PRKCZ: variants seen among roughly 807,000 people sequenced by gnomAD.
The protein encoded by PRKCZ is protein kinase C zeta, also known as protein kinase C zeta type.
Under a neutral mutation model 79.5 loss-of-function variants are expected in PRKCZ, and 33 were observed. The ratio of observed to expected loss-of-function variants is 0.41; its 90% CI spans 0.31 to 0.55. PRKCZ has a LOEUF of 0.55. PRKCZ is among the 20% of genes least tolerant of loss of function. The pLI is 0.19. For missense variants in PRKCZ, 578 were observed against 813.5 expected (o/e 0.71, Z 3.52); for synonymous variants, 342 against 320.9 (o/e 1.07, Z -0.70).
intron 10 of PRKCZ, among the ~76,000 whole-genome samples, chr1:2,157,757 C>A (rs994083818): frequency 6.8e-6 from 1 of 147,612 alleles, no homozygotes; most frequent in African/African-American, 2.5e-5. Flanking sequence ...CTTGCTCTGT[C>A]GCCCCAGGCT....
intron 4 of PRKCZ, among the ~76,000 whole-genome samples, chr1:2,063,913 A>G (rs888015515): frequency 7.0e-6 from 1 of 142,712 alleles, no homozygotes; most frequent in South Asian, 2.2e-4. Context: ...TGGCACGATC[A>G]TGGCTCACTG....
At chr1:2,073,693 CG>C (rs1557496813) in intron 4 of PRKCZ, 6 of 992,148 alleles carry the variant, frequency 6.0e-6, no homozygotes, top group Non-Finnish European at 7.2e-6. Context: ...CCGGGGGAGC[CG>C]GGTACCACCC....
intron 5 of PRKCZ, among the ~76,000 whole-genome samples, chr1:2,135,850 GTTTCTC>G (rs1395229958): frequency 2.0e-5 from 3 of 152,204 alleles, no homozygotes; most frequent in Admixed American, 6.5e-5. Context: ...TATTTTCCTT[GTTTCTC>G]TTTATGATGC....
chr1:2,090,962 C>G (rs1463502609), intron 4 of PRKCZ, among the ~76,000 whole-genome samples: 4 of 152,258 alleles, frequency 2.6e-5, no homozygotes, highest in African/African-American at 7.2e-5. Flanking sequence ...ATCATCTTTT[C>G]AAACTGCCAC....
chr1:2,139,107 T>G (rs972768696), intron 5 of PRKCZ, among the ~76,000 whole-genome samples: 9 of 152,090 alleles, frequency 5.9e-5, no homozygotes, highest in Admixed American at 5.9e-4. Context: ...GATCCAGACA[T>G]CTCACACTTA....
rs1014202964 is a variant in PRKCZ, at chr1:2,165,839, C to T, written c.975-3679C>T. 7.9e-5 allele frequency among the ~76,000 whole-genome samples: 12 copies of T among 151,956 alleles called. No individual in the cohort carries two copies. The highest frequency in any genetic ancestry group is 2.2e-4 in the African/African-American group (9 of 41,378). ...TTCCTGGAAGGGGTGGGGGGAGTGG[C>T]GAGGAGGGGGCGGCACCAAGGACAG... On this transcript the variant is annotated intron_variant, in intron 10 of 17. Coordinates refer to ENST00000378567, the MANE Select transcript of PRKCZ (RefSeq NM_002744.6). This position sits in a 1 kb window ranked among gnomAD's most constrained non-coding sequence, Gnocchi z 4.1.
rs188065402 is a variant in PRKCZ at position 2,059,941 on chromosome 1, T to A, written c.334+350T>A. 5.9e-5 allele frequency among the ~76,000 whole-genome samples: 9 copies of A among 152,324 alleles called. No individual in the cohort carries two copies. In the East Asian group the frequency reaches 1.7e-3, roughly 29 times the overall value. On this transcript the variant is annotated intron_variant, in intron 4 of 17. Coordinates refer to ENST00000378567, the MANE Select transcript of PRKCZ (RefSeq NM_002744.6). ...CACCCCTAGGCCAGTCGTCTGCTCCTCCTGGTCCCTGCTGGCCCCTGAGCT... is the reference window on the plus strand; with the variant it reads ...CACCCCTAGGCCAGTCGTCTGCTCCACCTGGTCCCTGCTGGCCCCTGAGCT...
At chr1:2,132,701 T>C (rs1675239394) in intron 4 of PRKCZ, among the ~76,000 whole-genome samples, 1 of 152,230 alleles carries the variant, frequency 6.6e-6, no homozygotes, top group Non-Finnish European at 1.5e-5. Flanking sequence ...CCTTTGTCTC[T>C]CATGTGTGCA....
Position 2,150,806 on chromosome 1 carries a change from T to C in PRKCZ, c.704T>C (p.Ile235Thr). 1 of 1,614,010 alleles carries C rather than the reference T, an allele frequency of 6.2e-7. No individual in the cohort carries two copies. Among genetic ancestry groups the C allele is most frequent in the Non-Finnish European group, 8.5e-7 (1 of 1,179,946 alleles). ...KDDSEDLKPVIDGMDGIKISQ... is the reference protein window; with the variant it reads ...KDDSEDLKPVTDGMDGIKISQ... ...CCTCCCTAGGACCTTAAGCCAGTTA[T>C]CGATGGGATGGATGGAATCAAAATC... The change falls in exon 9 of 18, where the codon ATC (isoleucine) becomes ACC (threonine). Residue 235 changes from isoleucine (I) to threonine (T), a missense_variant. Physicochemically the swap from Ile to Thr is moderately conservative, Grantham distance 89. Around this residue, in one of 4 missense-constraint regions of PRKCZ, gnomAD observed 91 missense variants for 97.5 expected, o/e 0.93. Transcript: ENST00000378567.
At position 2,169,791 on chromosome 1, in the gene PRKCZ, C is replaced by T. The variant is rs866294632; in HGVS notation, c.1061+187C>T. Among the ~76,000 whole-genome samples, 67 of 7,704 alleles carry T rather than the reference C, an allele frequency of 8.7e-3. 2 individuals carry two copies. The South Asian group carries it at 0.14, about 16-fold the overall frequency. 5.1% of individuals were successfully genotyped at this position (7,704 alleles called of 152,430 possible). ...TGGGGTGTGCACGGAGGGGGTATGA[C>T]GGGGGCGGGGGGGGCGGGGTGCACG... is the stretch of plus-strand genomic sequence containing the variant. On this transcript the variant is annotated intron_variant, in intron 11 of 17. Transcript: ENST00000378567.
At chr1:2,074,357 C>T in intron 4 of PRKCZ, 1 of 1,526,384 alleles carries the variant, frequency 6.6e-7, no homozygotes, top group African/African-American at 1.4e-5. Flanking sequence ...TCGTCTTGGG[C>T]TCGTCTGCCT....
intron 4 of PRKCZ, among the ~76,000 whole-genome samples, chr1:2,131,164 C>T (rs962184473): frequency 2.0e-5 from 3 of 152,206 alleles, no homozygotes; most frequent in Non-Finnish European, 2.9e-5. Context: ...AATTTGTCCC[C>T]GTGGCGCCTG....
At chr1:2,055,159 G>C (rs1249414048) in intron 1 of PRKCZ, among the ~76,000 whole-genome samples, 2 of 151,972 alleles carry the variant, frequency 1.3e-5, no homozygotes, top group African/African-American at 4.8e-5. Flanking sequence ...AGCCAGGATG[G>C]TCTCGATCTC....
intron 4 of PRKCZ, among the ~76,000 whole-genome samples, chr1:2,118,264 T>G (rs567861077): frequency 6.6e-6 from 1 of 152,016 alleles, no homozygotes; most frequent in African/African-American, 2.4e-5. Context: ...CCCAAAGTGC[T>G]GGGATTACAG....
In PRKCZ at chr1:2,050,464, G is replaced by A. The variant is rs1045176653; in HGVS notation, c.-167G>A. 142 of 246,816 alleles carry A rather than the reference G, an allele frequency of 5.8e-4. No individual in the cohort carries two copies. Among genetic ancestry groups the A allele is most frequent in the African/African-American group, 3.2e-3 (138 of 43,294 alleles). 15.3% of individuals were successfully genotyped at this position (246,816 alleles called of 1,614,324 possible). On this transcript the variant is annotated 5_prime_UTR_variant, in exon 1 of 18. Coordinates refer to ENST00000378567, the MANE Select transcript of PRKCZ (RefSeq NM_002744.6). ...GACGGTCCCGCCCCGCGCGCCCCCC[G>A]CTCCCGCCCCGCGCGCCGCCGGAGT...
In PRKCZ at chr1:2,174,655, G is replaced by A; in HGVS notation, c.1406-99G>A. The A allele has an allele frequency of 1.5e-6, 2 of 1,314,808 alleles. No individual in the cohort carries two copies. The highest frequency in any genetic ancestry group is 2.1e-6 in the Non-Finnish European group (2 of 934,918). The allele number at this position is 1,314,808 out of a possible 1,614,324, so 81.4% of individuals were successfully genotyped here. A position where few individuals can be genotyped will look rare whatever the true frequency, so the allele number is the denominator to read the frequency against. The stretch of plus-strand genomic sequence containing the variant: ...AAGGGAGGGGCTCCGGGGCCCCAAG[G>A]CTGAGCTCCCAAAGCTCTTGCTCAG... On this transcript the variant is annotated intron_variant, in intron 14 of 17. Coordinates refer to ENST00000378567, the MANE Select transcript of PRKCZ (RefSeq NM_002744.6). This position sits in a 1 kb window ranked among gnomAD's most constrained non-coding sequence, Gnocchi z 6.2.
At chr1:2,073,863 C>T (rs1661885433) in intron 4 of PRKCZ, 1 of 1,071,272 alleles carries the variant, frequency 9.3e-7, no homozygotes, top group Non-Finnish European at 1.1e-6. Context: ...AGGAAGATGC[C>T]TCCCTGCACG....
At chr1:2,124,344 GGGTC>G (rs1248449559) in intron 4 of PRKCZ, among the ~76,000 whole-genome samples, 3,115 of 136,984 alleles carry the variant, frequency 0.023, 1,232 homozygotes, top group East Asian at 0.046. Flanking sequence ...GTGGTGGTTA[GGGTC>G]ACGGCGGTGG....
At chr1:2,117,290 G>A (rs3107147) in intron 4 of PRKCZ, among the ~76,000 whole-genome samples, 98,351 of 151,904 alleles carry the variant, frequency 0.65, 32,244 homozygotes, top group African/African-American at 0.75. Flanking sequence ...TGTGTGTAGC[G>A]GTCATCCACA....
Sources: gnomAD v4.1 joint callset for allele counts (sites outside exome capture counted in the v4.1 genomes callset) on GRCh38, gnomAD v4.1.1 for gene constraint, gnomAD v4.1.1 regional missense constraint, Gnocchi (gnomAD v3.1) non-coding constraint, MANE v1.5 for transcripts, NCBI Gene and HGNC (gene_info 2026-07-23, HGNC 2026-07-21) for gene names.